The following TNFRSF19 variants were observed in gnomAD, a reference collection of about 807,000 sequenced individuals.
The protein encoded by TNFRSF19 is tumor necrosis factor receptor superfamily member 19.
A neutral mutation model predicts 46.4 loss-of-function variants in TNFRSF19; 27 were observed. The observed-to-expected ratio is 0.58, with a 90% CI of 0.43 to 0.80. TNFRSF19 has a LOEUF of 0.80. Among genes scored for constraint, TNFRSF19 ranks in the 30% least tolerant of loss-of-function variants. TNFRSF19 has a pLI of 0.00. For synonymous variants in TNFRSF19, 204 were observed against 205.0 expected (o/e 1.00, Z 0.04); for missense variants, 511 against 530.8 (o/e 0.96, Z 0.37).
At chr13:23,619,716 C>G (rs1173804290) in intron 4 of TNFRSF19, among the ~76,000 whole-genome samples, 1 of 152,194 alleles carries the variant, frequency 6.6e-6, no homozygotes, top group Non-Finnish European at 1.5e-5. Context: ...CTGATAAAAG[C>G]CTGTCTGTGC....
At chr13:23,643,643 A>T (rs1216597923) in intron 5 of TNFRSF19, among the ~76,000 whole-genome samples, 1 of 152,236 alleles carries the variant, frequency 6.6e-6, no homozygotes, top group African/African-American at 2.4e-5. Flanking sequence ...CAGGCTGAGG[A>T]TGGCAATAAA....
At chr13:23,582,453 G>A (rs12871589) in intron 1 of TNFRSF19, among the ~76,000 whole-genome samples, 4,200 of 151,928 alleles carry the variant, frequency 0.028, 79 homozygotes, top group Non-Finnish European at 0.042. Flanking sequence ...GAATTACCCC[G>A]ATTTGATCAT....
At chr13:23,652,805 G>C (rs1419758566) in intron 5 of TNFRSF19, among the ~76,000 whole-genome samples, 2 of 152,102 alleles carry the variant, frequency 1.3e-5, no homozygotes, top group Non-Finnish European at 2.9e-5. Flanking sequence ...GAATACTTGG[G>C]ATTTTTCCTT....
At chr13:23,591,595 CT>C (rs1208746005) in intron 2 of TNFRSF19, among the ~76,000 whole-genome samples, 1 of 152,096 alleles carries the variant, frequency 6.6e-6, no homozygotes. Context: ...TGTGTAATTT[CT>C]TTCTCTTTAC....
intron 7 of TNFRSF19, among the ~76,000 whole-genome samples, chr13:23,663,793 G>A (rs1417488645): frequency 1.3e-5 from 2 of 152,146 alleles, no homozygotes; most frequent in Non-Finnish European, 2.9e-5. Context: ...TAGTTCATGT[G>A]TATAGAGATG....
intron 3 of TNFRSF19, among the ~76,000 whole-genome samples, chr13:23,596,381 C>T (rs908720567): frequency 3.3e-5 from 5 of 151,800 alleles, no homozygotes; most frequent in African/African-American, 1.2e-4. Flanking sequence ...CACATAGGCT[C>T]AAAATAAAGG....
chr13:23,592,282 G>A (rs1879364065), intron 2 of TNFRSF19, among the ~76,000 whole-genome samples: 1 of 152,126 alleles, frequency 6.6e-6, no homozygotes, highest in South Asian at 2.1e-4. Context: ...AAGGAAAACA[G>A]AACCGCGTCA....
At chr13:23,618,020 G>A (rs1047654121) in intron 4 of TNFRSF19, among the ~76,000 whole-genome samples, 1 of 152,182 alleles carries the variant, frequency 6.6e-6, no homozygotes, top group African/African-American at 2.4e-5. Context: ...TGGAAACAGA[G>A]TAGAAAATAG....
intron 1 of TNFRSF19, among the ~76,000 whole-genome samples, chr13:23,587,853 C>T (rs1756215620): frequency 6.6e-6 from 1 of 152,182 alleles, no homozygotes; most frequent in African/African-American, 2.4e-5. Flanking sequence ...CAGTACTCAA[C>T]ATTATAAACG....
At chr13:23,635,247 T>C (rs532312224) in intron 5 of TNFRSF19, among the ~76,000 whole-genome samples, 1 of 152,192 alleles carries the variant, frequency 6.6e-6, no homozygotes, top group East Asian at 1.9e-4. Context: ...TGTAATTGAG[T>C]CATCCTACTT....
intron 5 of TNFRSF19, among the ~76,000 whole-genome samples, chr13:23,635,555 T>C (rs2057859384): frequency 6.6e-6 from 1 of 152,102 alleles, no homozygotes; most frequent in South Asian, 2.1e-4. Context: ...ATTTGTGTAT[T>C]TTTAGTAGAG....
intron 5 of TNFRSF19, among the ~76,000 whole-genome samples, chr13:23,636,766 C>A (rs1352594434): frequency 1.3e-5 from 2 of 152,072 alleles, no homozygotes; most frequent in Non-Finnish European, 2.9e-5. Context: ...TTTAACTTCC[C>A]TCGGACTCCT....
intron 1 of TNFRSF19, among the ~76,000 whole-genome samples, chr13:23,578,080 C>T (rs887514358): frequency 1.3e-5 from 2 of 152,082 alleles, no homozygotes; most frequent in East Asian, 1.9e-4. Context: ...TGCTAGGCCC[C>T]GGGATATCAA....
intron 5 of TNFRSF19, among the ~76,000 whole-genome samples, chr13:23,645,054 T>C (rs1883252633): frequency 1.3e-5 from 2 of 152,228 alleles, no homozygotes; most frequent in African/African-American, 2.4e-5. Context: ...CACATTTTGG[T>C]TTCATTTTAG....
intron 3 of TNFRSF19, among the ~76,000 whole-genome samples, chr13:23,609,429 A>G (rs1880740570): frequency 2.0e-5 from 3 of 152,192 alleles, no homozygotes; most frequent in Admixed American, 2.0e-4. Context: ...GTTTTCCTGA[A>G]GTAACCACAT....
chr13:23,580,552 C>A (rs1322441744), intron 1 of TNFRSF19, among the ~76,000 whole-genome samples: 1 of 152,198 alleles, frequency 6.6e-6, no homozygotes, highest in Non-Finnish European at 1.5e-5. Flanking sequence ...TACTCAGTAC[C>A]TTTTCTGTGG....
At chr13:23,629,205 T>A (rs1471722305) in intron 5 of TNFRSF19, among the ~76,000 whole-genome samples, 1 of 152,134 alleles carries the variant, frequency 6.6e-6, no homozygotes, top group African/African-American at 2.4e-5. Context: ...CCTCTCAAGC[T>A]AACTTAAGGA....
At chr13:23,624,183 T>C (rs1439200073) in intron 4 of TNFRSF19, among the ~76,000 whole-genome samples, 1 of 152,216 alleles carries the variant, frequency 6.6e-6, no homozygotes, top group Non-Finnish European at 1.5e-5. Context: ...TTGAAAGTCA[T>C]TGACCATATA....
At chr13:23,605,708 A>G (rs1566179320) in intron 3 of TNFRSF19, among the ~76,000 whole-genome samples, 1 of 152,216 alleles carries the variant, frequency 6.6e-6, no homozygotes, top group African/African-American at 2.4e-5. Flanking sequence ...AGCCAATTGG[A>G]AAAGTCTGCT....
Sources: gnomAD v4.1 joint callset for allele counts (sites outside exome capture counted in the v4.1 genomes callset) on GRCh38, gnomAD v4.1.1 for gene constraint, MANE v1.5 for transcripts, NCBI Gene and HGNC (gene_info 2026-07-23, HGNC 2026-07-21) for gene names.